The following PLA2R1 variants were observed in gnomAD, a reference collection of about 807,000 sequenced individuals.
The protein encoded by PLA2R1 is phospholipase A2 receptor 1, also known as secretory phospholipase A2 receptor.
PLA2R1 carries 158 observed loss-of-function variants against 195.9 expected under a neutral mutation model. That is an observed-to-expected ratio of 0.81 (90% confidence interval 0.71 to 0.92). PLA2R1 has a LOEUF of 0.92. Ranked by LOEUF, PLA2R1 falls within the 40% of genes least tolerant of loss-of-function variation. PLA2R1 has a pLI of 0.00. For synonymous variants in PLA2R1, 586 were observed against 598.2 expected, an observed-to-expected ratio of 0.98 and a Z score of 0.30; for missense variants, 1,626 against 1,764.6, an observed-to-expected ratio of 0.92 and a Z score of 1.41.
chr2:159,947,543 T>C lies in PLA2R1; in HGVS notation c.3726A>G (p.Glu1242=). The C allele has an allele frequency of 1.2e-6, 2 of 1,612,906 alleles. No homozygotes were observed. The highest frequency in any genetic ancestry group is 1.7e-6 in the Non-Finnish European group (2 of 1,179,470). ...ATGTTTCTGAGCACAACTCTGGGTG[T>C]TCAGATTGTCTTGTTTCTGTGAAGA... ...CHVPPETRQS[E]HPELCSETSI... The change falls in exon 26 of 30, where the codon GAA becomes GAG. Residue 1242 remains glutamate (E), a synonymous_variant. Coordinates refer to ENST00000283243, the MANE Select transcript of PLA2R1 (RefSeq NM_007366.5).
intron 3 of PLA2R1, among the ~76,000 whole-genome samples, chr2:160,034,717 G>T (rs1286692357): frequency 1.3e-5 from 2 of 152,146 alleles, no homozygotes; most frequent in African/African-American, 4.8e-5. Context: ...AGGATCACTT[G>T]AAGTCAGGAG....
intron 11 of PLA2R1, among the ~76,000 whole-genome samples, chr2:159,994,693 T>A (rs1691084000): frequency 6.6e-6 from 1 of 151,946 alleles, no homozygotes; most frequent in Non-Finnish European, 1.5e-5. Flanking sequence ...GGTCATGAAA[T>A]GATAATTGCT....
Position 159,941,896 on chromosome 2 carries a change from C to A in PLA2R1, c.4274G>T (p.Gly1425Val). 2 of 1,613,586 alleles carry A rather than the reference C, an allele frequency of 1.2e-6. No homozygotes were observed. The highest frequency in any genetic ancestry group is 2.2e-5 in the South Asian group (2 of 91,070). The stretch of plus-strand genomic sequence containing the variant: ...CCCTGCAAGTCTCCTGAAGAAGCCA[C>A]CGTTATGCTTGTATATGCAGAAGGA... The part of the protein sequence containing the change: ...TLSFCIYKHN[G>V]GFFRRLAGFR... The change falls in exon 30 of 30, where the codon GGT becomes GTT. Residue 1425 changes from glycine to valine, a missense_variant. Coordinates refer to ENST00000283243, the MANE Select transcript of PLA2R1 (RefSeq NM_007366.5).
At chr2:159,945,245 T>C (rs955538910) in intron 27 of PLA2R1, among the ~76,000 whole-genome samples, 163 bp from the exon 28 acceptor site, 7 of 152,072 alleles carry the variant, frequency 4.6e-5, no homozygotes, top group East Asian at 1.9e-4. Flanking sequence ...ATGTGCACAA[T>C]GTGCAGGTTA....
intron 20 of PLA2R1, among the ~76,000 whole-genome samples, chr2:159,957,800 A>G (rs1688185675): frequency 6.6e-6 from 1 of 152,214 alleles, no homozygotes; most frequent in South Asian, 2.1e-4. Context: ...TGGTGAGAGG[A>G]AAAGATAGAA....
At chr2:159,976,474 C>T (rs1362354718) in intron 16 of PLA2R1, among the ~76,000 whole-genome samples, 1 of 152,070 alleles carries the variant, frequency 6.6e-6, no homozygotes, top group Non-Finnish European at 1.5e-5. Flanking sequence ...TCTAAAATCG[C>T]ATGTCATGAA....
At position 160,020,234 on chromosome 2, in the gene PLA2R1, T is replaced by C; in HGVS notation, c.1324A>G (p.Ser442Gly). ...AAGGAAACTGGAATTTTATTGCTGC[T>C]CAAACCAATCCATGTTTCTGATGCA... ...ENASETWIGLSSNKIPVSFEW... is the reference protein window; with the variant it reads ...ENASETWIGLGSNKIPVSFEW... Residue 442 changes from serine to glycine, a missense_variant, in exon 8 of 30, where the codon AGC becomes GGC. Ser to Gly is a moderately conservative substitution (Grantham distance 56). Coordinates refer to ENST00000283243, the MANE Select transcript of PLA2R1 (RefSeq NM_007366.5). 4 of 1,610,540 alleles carry C rather than the reference T, an allele frequency of 2.5e-6. No homozygotes were observed. The South Asian group carries it at 3.3e-5, about 13-fold the overall frequency.
chr2:159,929,682 C>A (rs6746109), downstream of PLA2R1, among the ~76,000 whole-genome samples: 7,506 of 152,050 alleles, frequency 0.049, 589 homozygotes, highest in African/African-American at 0.17. Flanking sequence ...GACATTATAC[C>A]AAAAAGATAA....
rs960681128 is a variant in PLA2R1 at position 160,015,671 on chromosome 2, G to A, written c.1551+943C>T. Among the ~76,000 whole-genome samples, 5 of 152,150 alleles carry A rather than the reference G, an allele frequency of 3.3e-5. No homozygotes were observed. In the East Asian group the frequency reaches 9.6e-4, roughly 29 times the overall value. ...TCAGGTAGAGATTAATCAGAGATCAGCTATAACTAATTCAGAGATTATAAT... is the reference window on the plus strand; with the variant it reads ...TCAGGTAGAGATTAATCAGAGATCAACTATAACTAATTCAGAGATTATAAT... On this transcript the variant is annotated intron_variant, in intron 9 of 29. Transcript: ENST00000283243.
chr2:159,967,199 A>ACACACACACATGCATATG (rs936376987), intron 20 of PLA2R1, among the ~76,000 whole-genome samples: 1 of 152,116 alleles, frequency 6.6e-6, no homozygotes, highest in East Asian at 1.9e-4. Flanking sequence ...GCACATGAGC[A>ACACACACACATGCATATG]CACACACACA....
Position 159,941,588 on chromosome 2 carries a change from G to A in PLA2R1, c.*190C>T. On this transcript the variant is annotated 3_prime_UTR_variant, in exon 30 of 30. Transcript: ENST00000283243. ...CCTTTTAAGAATGGATCACAGTTTA[G>A]GGAAATGAATAAATCAAAACCCATC... 2.1e-6 allele frequency: 1 copy of A among 487,314 alleles called. No individual in the cohort carries two copies. The allele number at this position is 487,314 out of a possible 1,614,324, so 30.2% of individuals were successfully genotyped here. A position where few individuals can be genotyped will look rare whatever the true frequency, so the allele number is the denominator to read the frequency against.
chr2:159,952,041 G>A (rs1042890319), intron 23 of PLA2R1, among the ~76,000 whole-genome samples: 5 of 152,150 alleles, frequency 3.3e-5, no homozygotes, highest in African/African-American at 1.2e-4. Flanking sequence ...TAAAATACTC[G>A]ATTACACTTT....
intron 9 of PLA2R1, among the ~76,000 whole-genome samples, chr2:160,013,790 T>C (rs2667019): frequency 0.75 from 111,873 of 148,616 alleles, 42,518 homozygotes; most frequent in East Asian, 0.88. Flanking sequence ...ATATAAATGG[T>C]CCCGACAGGA....
chr2:159,967,426 C>T, intron 20 of PLA2R1, 113 bp downstream of exon 20: 2 of 763,286 alleles, frequency 2.6e-6, no homozygotes, highest in Non-Finnish European at 4.0e-6. Flanking sequence ...AAAAAAATTC[C>T]AGGTCCTATG....
At chr2:160,003,680 A>G (rs536406451) in intron 11 of PLA2R1, among the ~76,000 whole-genome samples, 1 of 152,300 alleles carries the variant, frequency 6.6e-6, no homozygotes, top group African/African-American at 2.4e-5. Flanking sequence ...CCACTCTCAA[A>G]TTTTGTTAGA....
chr2:159,945,314 C>T (rs1257770777), intron 27 of PLA2R1, among the ~76,000 whole-genome samples: 1 of 152,120 alleles, frequency 6.6e-6, no homozygotes, highest in African/African-American at 2.4e-5. Flanking sequence ...CGTCATCCAG[C>T]ATTAGGTATA....
chr2:159,966,679 C>T (rs957834888), intron 20 of PLA2R1, among the ~76,000 whole-genome samples: 1 of 152,022 alleles, frequency 6.6e-6, no homozygotes, highest in Non-Finnish European at 1.5e-5. Context: ...GAAAGCCCTG[C>T]CAATATAACT....
chr2:160,018,725 T>G (rs1692920374), intron 8 of PLA2R1, among the ~76,000 whole-genome samples: 1 of 152,224 alleles, frequency 6.6e-6, no homozygotes, highest in African/African-American at 2.4e-5. Context: ...AGGTATTGTT[T>G]CTCCTTTATA....
intron 11 of PLA2R1, among the ~76,000 whole-genome samples, chr2:160,005,332 G>A (rs1691902027): frequency 6.6e-6 from 1 of 152,112 alleles, no homozygotes; most frequent in African/African-American, 2.4e-5. Context: ...CTACTGGGGA[G>A]GCTGAGGTGG....
Sources: allele counts gnomAD v4.1 joint callset (sites outside exome capture counted in the v4.1 genomes callset), GRCh38; gene constraint gnomAD v4.1.1; transcripts MANE v1.5; gene names NCBI Gene and HGNC (gene_info 2026-07-23, HGNC 2026-07-21).